Variants in OXR1 observed in about 807,000 individuals in gnomAD.
The protein encoded by OXR1 is oxidation resistance protein 1.
In OXR1, 41 loss-of-function variants were observed where a neutral mutation model predicts 104.6. The ratio of observed to expected loss-of-function variants is 0.39; its 90% CI spans 0.31 to 0.51. OXR1 has a LOEUF of 0.51. OXR1 is among the 20% of genes least tolerant of loss of function. OXR1 has a pLI of 0.77. For missense variants in OXR1, 955 were observed against 1,031.9 expected (o/e 0.93, Z 1.02); for synonymous variants, 348 against 348.4 (o/e 1.00, Z 0.01).
At chr8:106,374,345 C>A (rs1485123891) in intron 2 of OXR1, among the ~76,000 whole-genome samples, 1 of 152,068 alleles carries the variant, frequency 6.6e-6, no homozygotes, top group African/African-American at 2.4e-5. Context: ...ATTACATTTT[C>A]TTTATTGGGT....
At chr8:106,388,794 G>A (rs16874491) in intron 2 of OXR1, among the ~76,000 whole-genome samples, 6,820 of 152,252 alleles carry the variant, frequency 0.045, 528 homozygotes, top group African/African-American at 0.16. Flanking sequence ...CTTGCACCTT[G>A]AAGCTCGTAT....
At chr8:106,435,043 T>C (rs569886360) in intron 2 of OXR1, among the ~76,000 whole-genome samples, 3 of 152,128 alleles carry the variant, frequency 2.0e-5, no homozygotes, top group Admixed American at 6.6e-5. Context: ...GGTGGCCAGG[T>C]GTCACCTCTA....
chr8:106,611,068 G>T (rs1483043541), intron 3 of OXR1, among the ~76,000 whole-genome samples: 2 of 152,174 alleles, frequency 1.3e-5, no homozygotes, highest in African/African-American at 4.8e-5. Context: ...AATGAGATGG[G>T]TAGTATCAGT....
intron 14 of OXR1, 82 bp from the exon 15 acceptor site, chr8:106,742,140 T>C (rs1563765834): frequency 2.4e-6 from 2 of 821,542 alleles, no homozygotes; most frequent in Non-Finnish European, 4.1e-6. Context: ...TTTTGCATTT[T>C]ATTTAAACAT....
At chr8:106,285,175 A>G (rs529853032) in intron 1 of OXR1, among the ~76,000 whole-genome samples, 9 of 152,112 alleles carry the variant, frequency 5.9e-5, no homozygotes, top group Non-Finnish European at 1.3e-4. Flanking sequence ...TTGAGTCCCC[A>G]TTTGATTAGC....
intron 2 of OXR1, among the ~76,000 whole-genome samples, chr8:106,503,748 A>T (rs911698634): frequency 7.9e-5 from 12 of 152,174 alleles, no homozygotes; most frequent in Non-Finnish European, 1.2e-4. Flanking sequence ...TGTTGGCAAG[A>T]TGTGGCCTTA....
At chr8:106,399,520 A>G (rs1186145161) in intron 2 of OXR1, among the ~76,000 whole-genome samples, 1 of 152,174 alleles carries the variant, frequency 6.6e-6, no homozygotes, top group Non-Finnish European at 1.5e-5. Context: ...ATGGATGTGA[A>G]TAGTTAACAA....
chr8:106,373,400 G>A (rs1357888541), intron 2 of OXR1, among the ~76,000 whole-genome samples: 1 of 152,132 alleles, frequency 6.6e-6, no homozygotes, highest in Non-Finnish European at 1.5e-5. Context: ...TGTGCGTGTG[G>A]TTTTAGTGAG....
chr8:106,670,371 T>C (rs532199102), intron 3 of OXR1, among the ~76,000 whole-genome samples: 165 of 152,334 alleles, frequency 1.1e-3, no homozygotes, highest in African/African-American at 3.9e-3. Flanking sequence ...TACCAGTTTC[T>C]ACATGTAAAA....
chr8:106,567,532 C>T (rs1281173644), intron 3 of OXR1, among the ~76,000 whole-genome samples: 3 of 152,086 alleles, frequency 2.0e-5, no homozygotes, highest in Non-Finnish European at 2.9e-5. Flanking sequence ...CAGATAATTA[C>T]CTAAATAAGG....
chr8:106,497,826 G>T (rs968870964), intron 2 of OXR1, among the ~76,000 whole-genome samples: 1 of 152,078 alleles, frequency 6.6e-6, no homozygotes, highest in Non-Finnish European at 1.5e-5. Flanking sequence ...GTGTGTGTGT[G>T]TCTTCATTGC....
At chr8:106,358,509 A>G (rs1279581440) in intron 1 of OXR1, among the ~76,000 whole-genome samples, 1 of 152,204 alleles carries the variant, frequency 6.6e-6, no homozygotes, top group Non-Finnish European at 1.5e-5. Flanking sequence ...TACATAAAAC[A>G]TTATTTGAGC....
intron 2 of OXR1, among the ~76,000 whole-genome samples, chr8:106,491,033 A>G (rs914610524): frequency 6.6e-6 from 1 of 152,050 alleles, no homozygotes; most frequent in Non-Finnish European, 1.5e-5. Context: ...GACTAGTGTA[A>G]TCTCAATCTG....
intron 2 of OXR1, among the ~76,000 whole-genome samples, chr8:106,463,786 T>C (rs1014935281): frequency 6.6e-6 from 1 of 152,136 alleles, no homozygotes; most frequent in South Asian, 2.1e-4. Context: ...GTTACTCATA[T>C]AAAGTGCTTA....
intron 11 of OXR1, among the ~76,000 whole-genome samples, chr8:106,730,706 G>A (rs1304721318): frequency 6.6e-6 from 1 of 152,028 alleles, no homozygotes; most frequent in Non-Finnish European, 1.5e-5. Context: ...TGTAGATTTT[G>A]TGTGGACATA....
chr8:106,636,235 T>C (rs1275540111), intron 3 of OXR1, among the ~76,000 whole-genome samples: 1 of 152,230 alleles, frequency 6.6e-6, no homozygotes, highest in African/African-American at 2.4e-5. Flanking sequence ...TTTAAGCTGG[T>C]ATGTGTTTGT....
intron 2 of OXR1, among the ~76,000 whole-genome samples, chr8:106,376,850 A>C (rs571243528): frequency 1.3e-5 from 2 of 151,710 alleles, no homozygotes; most frequent in South Asian, 4.2e-4. Context: ...TTCCCTGAAA[A>C]CCCTTCCTGT....
chr8:106,648,904 G>C (rs1451080462), intron 3 of OXR1, among the ~76,000 whole-genome samples: 1 of 152,148 alleles, frequency 6.6e-6, no homozygotes, highest in Non-Finnish European at 1.5e-5. Context: ...AAAAATATTT[G>C]TATAAAACTA....
intron 3 of OXR1, among the ~76,000 whole-genome samples, chr8:106,533,712 C>CTTTTT (rs34122715): frequency 7.5e-6 from 1 of 132,452 alleles, no homozygotes. Context: ...GTTGAGTTTA[C>CTTTTT]TTTTTTTTTT....
Sources: gnomAD v4.1 joint callset for allele counts (sites outside exome capture counted in the v4.1 genomes callset) on GRCh38, gnomAD v4.1.1 for gene constraint, MANE v1.5 for transcripts, NCBI Gene and HGNC (gene_info 2026-07-23, HGNC 2026-07-21) for gene names.